Variants in G6PD observed in about 807,000 individuals in gnomAD.
G6PD encodes glucose-6-phosphate dehydrogenase.
Under a neutral mutation model 38.2 loss-of-function variants are expected in G6PD, and 2 were observed. That is an observed-to-expected ratio of 0.05 (90% CI 0.02 to 0.16). The LOEUF is 0.16. Ranked by LOEUF, G6PD falls within the 10% of genes least tolerant of loss-of-function variation. The probability of loss-of-function intolerance (pLI) is 1.00; values close to 1 mark genes in which losing one functional copy is unlikely to be tolerated. For missense variants in G6PD, 310 were observed against 471.6 expected (o/e 0.66, Z 3.17); for synonymous variants, 188 against 196.0 (o/e 0.96, Z 0.34).
chrX:154,546,746 C>T (rs1479178430), intron 1 of G6PD, 43 bp downstream of exon 1: 3 of 1,044,829 alleles, frequency 2.9e-6, no homozygotes, highest in Non-Finnish European at 3.9e-6. Context: ...CAGCGCGGGA[C>T]AGTACGCTCC....
chrX:154,542,354 G>A (rs1420498266), intron 2 of G6PD: 1 of 1,203,846 alleles, frequency 8.3e-7, no homozygotes, highest in Non-Finnish European at 1.1e-6. Flanking sequence ...CTCACTCCCT[G>A]TGAAGCTCTC....
chrX:154,532,645 C>G lies in G6PD; in HGVS notation c.1209G>C (p.Lys403Asn). The change falls in exon 10 of 13, where the codon AAG becomes AAC. Residue 403 changes from lysine (K) to asparagine (N), a missense_variant. Lys to Asn is a moderately conservative substitution (Grantham distance 94). This residue lies in a region of G6PD where 168 missense variants were observed against 309.2 expected (regional missense o/e 0.54). Transcript: ENST00000393562. ...ACATGCCCGGCTTCTTGGTCATCAT[C>G]TTGGTGTACACGGCCTCGTTGGGCT... Reference protein sequence around the residue: ...RVQPNEAVYTKMMTKKPGMFF... With the variant: ...RVQPNEAVYTNMMTKKPGMFF... 1 of 1,212,516 alleles carries G rather than the reference C, an allele frequency of 8.2e-7. No individual in the cohort carries two copies.
At chrX:154,533,341 C>T (rs2070364783) in intron 8 of G6PD, 2 of 498,874 alleles carry the variant, frequency 4.0e-6, no homozygotes, top group South Asian at 3.1e-5. Flanking sequence ...CAAGCTGAGG[C>T]CCAGAGAGGC....
intron 7 of G6PD, 152 bp downstream of exon 7, chrX:154,533,883 A>G (rs1322586093): frequency 2.5e-5 from 30 of 1,196,436 alleles, no homozygotes; most frequent in Non-Finnish European, 3.3e-5. Context: ...GTAGGGGTCC[A>G]GCCCTTTCCA....
chrX:154,546,253 C>T (rs2070711144), intron 1 of G6PD, 90 bp from the exon 2 acceptor site: 7 of 1,117,003 alleles, frequency 6.3e-6, no homozygotes, highest in Non-Finnish European at 8.5e-6. Flanking sequence ...TGGGGTCTCA[C>T]ACCAGGGTGA....
intron 1 of G6PD, 146 bp from the exon 2 acceptor site, chrX:154,546,309 G>A (rs1282277901): frequency 7.6e-6 from 6 of 792,917 alleles, no homozygotes; most frequent in Non-Finnish European, 9.3e-6. Context: ...GGGCATTGGG[G>A]AGTGGTTGAT....
intron 2 of G6PD, among the ~76,000 whole-genome samples, chrX:154,540,594 C>T (rs1441734761): frequency 9.6e-6 from 1 of 103,948 alleles, no homozygotes; most frequent in Admixed American, 1.1e-4. Flanking sequence ...GCCAAGATTG[C>T]GCCACCAAAC....
chrX:154,538,601 G>A (rs1457705881), intron 2 of G6PD, among the ~76,000 whole-genome samples: 4 of 111,753 alleles, frequency 3.6e-5, no homozygotes, highest in African/African-American at 1.3e-4. Context: ...GGAATGCAAG[G>A]GAACTTCACT....
At chrX:154,543,984 C>T (rs2070608312) in intron 2 of G6PD, among the ~76,000 whole-genome samples, 1 of 109,530 alleles carries the variant, frequency 9.1e-6, no homozygotes, top group African/African-American at 3.3e-5. Context: ...TCTCCTGCCT[C>T]AGCCTCCTGA....
rs1179691681 is a variant in G6PD at position 154,533,654 on chromosome X, G to A, written c.786C>T (p.Asn262=). ...EFGIIRDVMQ[N]HLLQMLCLVA... ...CCAGACACAGCATCTGCAGTAGGTG[G>A]TTCTGCATCACGTCCCTGGGGACGG... Residue 262 remains asparagine (N), a synonymous_variant, in exon 8 of 13, where the codon AAC becomes AAT. Transcript: ENST00000393562. 1 of 1,212,151 alleles carries A rather than the reference G, an allele frequency of 8.2e-7. No individual in the cohort carries two copies. The highest frequency in any genetic ancestry group is 1.1e-6 in the Non-Finnish European group (1 of 895,554).
intron 2 of G6PD, among the ~76,000 whole-genome samples, chrX:154,545,557 G>C (rs1339972215): frequency 8.9e-6 from 1 of 111,895 alleles, no homozygotes; most frequent in Non-Finnish European, 1.9e-5. Context: ...TCCTGCAGCC[G>C]GGCGTGGTGG....
At position 154,534,586 on chromosome X, in the gene G6PD, G is replaced by A. The variant is rs892753001; in HGVS notation, c.486-90C>T. On this transcript the variant is annotated intron_variant, in intron 5 of 12. Transcript: ENST00000393562. ...GCATCATTCAGACGCCCTCCCAGGG[G>A]AGTAGAGGCCAGAACCTCCTCGCCC... The A allele has an allele frequency of 8.1e-5, 90 of 1,105,235 alleles. No homozygotes were observed. In the Middle Eastern group the frequency reaches 1.5e-3, roughly 18 times the overall value. The allele number at this position is 1,105,235 out of a possible 1,213,427, so 91.1% of individuals were successfully genotyped here.
At chrX:154,537,439 G>C (rs1466309440) in intron 2 of G6PD, among the ~76,000 whole-genome samples, 3 of 112,027 alleles carry the variant, frequency 2.7e-5, no homozygotes, top group Non-Finnish European at 3.8e-5. Context: ...CCAACATGGA[G>C]AAACCGTTTC....
chrX:154,535,109 T>C (rs2070391949), intron 5 of G6PD, 59 bp downstream of exon 5: 18 of 1,078,992 alleles, frequency 1.7e-5, no homozygotes, highest in Admixed American at 2.2e-5. Flanking sequence ...CATAGAGTGG[T>C]GGGAGCACTG....
At chrX:154,533,971 C>G in intron 7 of G6PD, 64 bp downstream of exon 7, 1 of 1,207,647 alleles carries the variant, frequency 8.3e-7, no homozygotes, top group Non-Finnish European at 1.1e-6. Context: ...GGAAGAGTAG[C>G]CCTGCAGGGT....
At chrX:154,533,243 T>C in intron 8 of G6PD, 115 bp from the exon 9 acceptor site, 1 of 862,098 alleles carries the variant, frequency 1.2e-6, no homozygotes, top group Non-Finnish European at 1.7e-6. Context: ...TGCTTGGCTC[T>C]GCTCACCCTG....
At chrX:154,534,532 C>A in intron 5 of G6PD, 36 bp from the exon 6 acceptor site, 1 of 1,206,402 alleles carries the variant, frequency 8.3e-7, no homozygotes, top group Non-Finnish European at 1.1e-6. Context: ...CCCCCTTGAA[C>A]CCCTCTTCGG....
intron 5 of G6PD, 69 bp downstream of exon 5, chrX:154,535,099 C>T: frequency 9.6e-7 from 1 of 1,045,705 alleles, no homozygotes; most frequent in Non-Finnish European, 1.3e-6. Context: ...CGGACACGCT[C>T]ATAGAGTGGT....
intron 2 of G6PD, chrX:154,542,393 G>A: frequency 8.3e-7 from 1 of 1,206,788 alleles, no homozygotes; most frequent in African/African-American, 1.7e-5. Context: ...ATCAGGTGGG[G>A]AAAGATGCTG....
Sources: gnomAD v4.1 joint callset for allele counts (sites outside exome capture counted in the v4.1 genomes callset) on GRCh38, gnomAD v4.1.1 for gene constraint, gnomAD v4.1.1 regional missense constraint, MANE v1.5 for transcripts, NCBI Gene and HGNC (gene_info 2026-07-23, HGNC 2026-07-21) for gene names.